Variants in ANKRD30B observed in about 807,000 individuals in gnomAD.
The protein encoded by ANKRD30B is ankyrin repeat domain 30B, also known as ankyrin repeat domain-containing protein 30B.
In ANKRD30B, 144 loss-of-function variants were observed where a neutral mutation model predicts 202.2. That is an observed-to-expected ratio of 0.71 (90% confidence interval 0.62 to 0.82). ANKRD30B has a LOEUF of 0.82. Among genes scored for constraint, ANKRD30B ranks in the 40% least tolerant of loss-of-function variants. The pLI is 0.00. For missense variants in ANKRD30B, 1,487 were observed against 1,669.1 expected (o/e 0.89, Z 1.90); for synonymous variants, 508 against 561.3 (o/e 0.91, Z 1.34).
At chr18:14,892,742 CA>C in the ANKRD30B span, among the ~76,000 whole-genome samples, 11,146 of 72,512 alleles carry the variant, frequency 0.15, 561 homozygotes, top group East Asian at 0.25. Context: ...TCTGTTTCAC[CA>C]AAAAAAAAAA....
the ANKRD30B span, among the ~76,000 whole-genome samples, chr18:14,934,314 C>T: frequency 6.6e-6 from 1 of 152,220 alleles, no homozygotes; most frequent in East Asian, 1.9e-4. Flanking sequence ...GAGAGGCAGG[C>T]CCGAGGGGAG....
chr18:14,922,506 T>C, the ANKRD30B span, among the ~76,000 whole-genome samples: 1 of 151,170 alleles, frequency 6.6e-6, no homozygotes, highest in Non-Finnish European at 1.5e-5. Flanking sequence ...ATACAAAAAA[T>C]TAGCCGGGCG....
the ANKRD30B span, among the ~76,000 whole-genome samples, chr18:14,866,861 A>G: frequency 6.6e-6 from 1 of 151,888 alleles, no homozygotes; most frequent in African/African-American, 2.4e-5. Flanking sequence ...GTGCACTACC[A>G]GCGGCGGGTG....
chr18:14,903,009 T>C, the ANKRD30B span, among the ~76,000 whole-genome samples: 1 of 152,190 alleles, frequency 6.6e-6, no homozygotes, highest in African/African-American at 2.4e-5. Context: ...AGAGATGGCC[T>C]GAGTTCAAAG....
chr18:14,901,555 GT>G, the ANKRD30B span, among the ~76,000 whole-genome samples: 41 of 148,550 alleles, frequency 2.8e-4, no homozygotes, highest in African/African-American at 4.4e-4. Context: ...TCAAGACAAA[GT>G]TTTTTTTTTT....
At chr18:14,898,830 A>T in the ANKRD30B span, among the ~76,000 whole-genome samples, 2 of 152,158 alleles carry the variant, frequency 1.3e-5, no homozygotes, top group African/African-American at 4.8e-5. Flanking sequence ...CCATTTCCAC[A>T]TAACAGCCCT....
intron 22 of ANKRD30B, among the ~76,000 whole-genome samples, chr18:14,800,314 T>A (rs1478730132): frequency 1.3e-5 from 2 of 150,548 alleles, no homozygotes; most frequent in East Asian, 3.9e-4. Context: ...TTTTCTTTTT[T>A]TTTTAAATTT....
chr18:14,837,580 T>G, intron 35 of ANKRD30B, 35 bp from the exon 36 acceptor site: 9 of 1,430,162 alleles, frequency 6.3e-6, no homozygotes, highest in Non-Finnish European at 8.5e-6. Context: ...GTAATAAACA[T>G]TCTCATATAC....
intron 4 of ANKRD30B, 119 bp downstream of exon 4, chr18:14,755,124 CAT>C (rs1438344521): frequency 1.8e-6 from 1 of 556,756 alleles, no homozygotes; most frequent in East Asian, 3.3e-5. Context: ...TATAGTGAAA[CAT>C]ATCAACACAA....
chr18:14,754,611 C>T (rs1278264079), intron 3 of ANKRD30B, among the ~76,000 whole-genome samples: 1 of 152,040 alleles, frequency 6.6e-6, no homozygotes, highest in Non-Finnish European at 1.5e-5. Context: ...AGATACAGCC[C>T]TTGCCCTCAT....
At chr18:14,808,333 T>C (rs1465660149) in intron 24 of ANKRD30B, 1 of 573,996 alleles carries the variant, frequency 1.7e-6, no homozygotes, top group South Asian at 1.6e-5. Context: ...GAAATCTTCA[T>C]AGCACGTTTG....
chr18:14,755,123 A>T (rs565160991), intron 4 of ANKRD30B, 118 bp downstream of exon 4: 1 of 559,458 alleles, frequency 1.8e-6, no homozygotes, highest in Non-Finnish European at 2.9e-6. Flanking sequence ...TTATAGTGAA[A>T]CATATCAACA....
At chr18:14,919,228 A>G in the ANKRD30B span, among the ~76,000 whole-genome samples, 1 of 152,254 alleles carries the variant, frequency 6.6e-6, no homozygotes, top group Non-Finnish European at 1.5e-5. Flanking sequence ...AAGGAGGGCC[A>G]AAATGTTTCT....
At chr18:14,761,241 T>C (rs1280812829) in intron 6 of ANKRD30B, among the ~76,000 whole-genome samples, 1 of 152,110 alleles carries the variant, frequency 6.6e-6, no homozygotes, top group African/African-American at 2.4e-5. Context: ...ATGAGACACA[T>C]ACCCAGACAC....
chr18:14,784,285 G>A (rs1967936452), intron 12 of ANKRD30B, 51 bp from the exon 13 acceptor site: 1 of 1,558,042 alleles, frequency 6.4e-7, no homozygotes, highest in Non-Finnish European at 8.8e-7. Flanking sequence ...TCACTCGGTT[G>A]GCTTTGTCAT....
In ANKRD30B at chr18:14,800,583, T is replaced by C. The variant is rs1243784040; in HGVS notation, c.2131+1288T>C. On this transcript the variant is annotated intron_variant, in intron 22 of 43. Transcript: ENST00000690538. ...TTGTAATCCACCCACCTCGGCCTCC[T>C]AAAGTGCTGGGATTAGAGGCGTGAG... 2.0e-5 allele frequency among the ~76,000 whole-genome samples: 3 copies of C among 150,934 alleles called. No individual in the cohort carries two copies. In the East Asian group the frequency reaches 5.9e-4, roughly 29 times the overall value.
chr18:14,925,929 G>A, the ANKRD30B span, among the ~76,000 whole-genome samples: 3 of 152,164 alleles, frequency 2.0e-5, no homozygotes, highest in Admixed American at 6.5e-5. Context: ...CAGAGGGGGC[G>A]TTTGCACCCA....
chr18:14,758,099 AT>A, intron 5 of ANKRD30B, 147 bp downstream of exon 5: 1 of 855,968 alleles, frequency 1.2e-6, no homozygotes, highest in Non-Finnish European at 1.8e-6. Context: ...AGGATTCTTT[AT>A]TTTAGGACTT....
intron 41 of ANKRD30B, among the ~76,000 whole-genome samples, 151 bp from the exon 42 acceptor site, chr18:14,851,357 AT>A (rs1971876325): frequency 6.6e-6 from 1 of 151,376 alleles, no homozygotes; most frequent in South Asian, 2.1e-4. Flanking sequence ...GCTCTATAGT[AT>A]TTGAAGTTTT....
Sources: allele counts gnomAD v4.1 joint callset (sites outside exome capture counted in the v4.1 genomes callset), GRCh38; gene constraint gnomAD v4.1.1; transcripts MANE v1.5; gene names NCBI Gene and HGNC (gene_info 2026-07-23, HGNC 2026-07-21).